FAM107B: variants seen among roughly 807,000 people sequenced by gnomAD.
FAM107B encodes protein FAM107B.
In FAM107B, 21 loss-of-function variants were observed where a neutral mutation model predicts 31.5. The ratio of observed to expected loss-of-function variants is 0.67; its 90% CI spans 0.47 to 0.96. FAM107B has a LOEUF of 0.96. Ranked by LOEUF, FAM107B falls within the 40% of genes least tolerant of loss-of-function variation. The probability of loss-of-function intolerance (pLI) is 0.00; values close to 1 mark genes in which losing one functional copy is unlikely to be tolerated. For missense variants in FAM107B, 452 were observed against 377.1 expected (o/e 1.20, Z -1.64); for synonymous variants, 157 against 141.5 (o/e 1.11, Z -0.78).
intron 1 of FAM107B, among the ~76,000 whole-genome samples, chr10:14,741,456 G>A (rs1318824984): frequency 4.6e-5 from 7 of 152,240 alleles, no homozygotes; most frequent in South Asian, 2.1e-4. Context: ...ACCAGCCTAC[G>A]AAGAAGTCTT....
intron 2 of FAM107B, among the ~76,000 whole-genome samples, chr10:14,562,044 C>G (rs80349372): frequency 1.3e-5 from 2 of 152,080 alleles, no homozygotes; most frequent in African/African-American, 4.8e-5. Context: ...CCTTGGCCTC[C>G]CAAAGTGGTA....
rs546674661 is a variant in FAM107B, at chr10:14,536,345, G to A, written c.470-5830C>T. Among the ~76,000 whole-genome samples, 6 of 152,328 alleles carry A rather than the reference G, an allele frequency of 3.9e-5. No individual in the cohort carries two copies. The South Asian group carries it at 1.2e-3, about 32-fold the overall frequency. ...TTTGAACTGCTAAAACGTCTGGAAAGTTAAAAGTAATTCCAAGATACTTTT... is the reference window on the plus strand; with the variant it reads ...TTTGAACTGCTAAAACGTCTGGAAAATTAAAAGTAATTCCAAGATACTTTT... On this transcript the variant is annotated intron_variant, in intron 2 of 4. Transcript: ENST00000181796.
At chr10:14,639,381 C>A (rs946251430) in intron 2 of FAM107B, among the ~76,000 whole-genome samples, 1 of 152,204 alleles carries the variant, frequency 6.6e-6, no homozygotes, top group Admixed American at 6.5e-5. Context: ...TGGGTACAGT[C>A]CTTTCTGTAC....
At chr10:14,733,077 T>C (rs1029922749) in intron 1 of FAM107B, among the ~76,000 whole-genome samples, 11 of 148,048 alleles carry the variant, frequency 7.4e-5, no homozygotes, top group Non-Finnish European at 1.6e-4. Flanking sequence ...AGATACAATG[T>C]AGTCTATAGA....
chr10:14,617,552 G>A (rs1304457056), intron 2 of FAM107B, among the ~76,000 whole-genome samples: 3 of 152,076 alleles, frequency 2.0e-5, no homozygotes, highest in African/African-American at 7.2e-5. Context: ...ACAATTGATG[G>A]CTGCTTAGAA....
At chr10:14,694,259 G>A (rs112593872) in intron 1 of FAM107B, among the ~76,000 whole-genome samples, 5 of 152,312 alleles carry the variant, frequency 3.3e-5, no homozygotes, top group African/African-American at 1.2e-4. Flanking sequence ...AGGGCATATG[G>A]TAGTTCTATT....
intron 2 of FAM107B, among the ~76,000 whole-genome samples, chr10:14,585,493 G>A (rs921658070): frequency 3.3e-5 from 5 of 152,178 alleles, no homozygotes; most frequent in African/African-American, 9.7e-5. Flanking sequence ...GGGGCGCCAG[G>A]AAAAGCAAGT....
intron 1 of FAM107B, among the ~76,000 whole-genome samples, chr10:14,733,152 CCAAATACATTTT>C (rs1453900446): frequency 6.7e-6 from 1 of 150,360 alleles, no homozygotes; most frequent in Non-Finnish European, 1.5e-5. Flanking sequence ...TATTCAGAAA[CCAAATACATTTT>C]CAAATTGCAT....
At chr10:14,527,964 G>C in intron 3 of FAM107B, 1 of 301,134 alleles carries the variant, frequency 3.3e-6, no homozygotes, top group Non-Finnish European at 6.4e-6. Flanking sequence ...GATAAGATGA[G>C]ATATATTTTC....
At chr10:14,660,622 T>C (rs1382302632) in intron 2 of FAM107B, among the ~76,000 whole-genome samples, 3 of 152,088 alleles carry the variant, frequency 2.0e-5, no homozygotes, top group Admixed American at 1.3e-4. Flanking sequence ...ACCTGAGTCT[T>C]TGTGCTAAAA....
At chr10:14,662,386 T>TTG (rs1354935718) in intron 2 of FAM107B, among the ~76,000 whole-genome samples, 1 of 151,084 alleles carries the variant, frequency 6.6e-6, no homozygotes, top group African/African-American at 2.4e-5. Flanking sequence ...GTCTTTTTTT[T>TTG]TTTTTTTGGA....
chr10:14,545,997 TCAAA>T (rs1848659143), intron 2 of FAM107B, among the ~76,000 whole-genome samples: 1 of 152,248 alleles, frequency 6.6e-6, no homozygotes, highest in African/African-American at 2.4e-5. Flanking sequence ...TTCAAAGCCC[TCAAA>T]CATTCCTGTC....
At chr10:14,715,476 T>G (rs116337015) in intron 1 of FAM107B, among the ~76,000 whole-genome samples, 1,785 of 152,308 alleles carry the variant, frequency 0.012, 25 homozygotes, top group African/African-American at 0.041. Context: ...CAAAACGCAG[T>G]GGCTGTGATG....
intron 2 of FAM107B, among the ~76,000 whole-genome samples, chr10:14,593,161 T>C (rs1178063814): frequency 6.6e-6 from 1 of 152,156 alleles, no homozygotes; most frequent in Non-Finnish European, 1.5e-5. Context: ...TATTAATTCT[T>C]AATTTTTATT....
At chr10:14,580,956 C>T (rs1160559652) in intron 2 of FAM107B, among the ~76,000 whole-genome samples, 1 of 152,176 alleles carries the variant, frequency 6.6e-6, no homozygotes, top group African/African-American at 2.4e-5. Flanking sequence ...TTGGTAAGTT[C>T]AATAAGCAAT....
chr10:14,711,417 C>T (rs1409903275), intron 1 of FAM107B, among the ~76,000 whole-genome samples: 1 of 152,110 alleles, frequency 6.6e-6, no homozygotes, highest in East Asian at 1.9e-4. Context: ...TTTTACTGTA[C>T]CTTTTCTTAC....
intron 2 of FAM107B, among the ~76,000 whole-genome samples, chr10:14,621,835 AAAAG>A (rs2131403525): frequency 6.6e-6 from 1 of 152,332 alleles, no homozygotes; most frequent in African/African-American, 2.4e-5. Flanking sequence ...TTGGAGAGCA[AAAAG>A]AAAGGGAAGG....
intron 2 of FAM107B, among the ~76,000 whole-genome samples, chr10:14,585,064 C>T (rs1200189460): frequency 6.6e-6 from 1 of 152,174 alleles, no homozygotes; most frequent in Admixed American, 6.5e-5. Flanking sequence ...ACAAGGTGTA[C>T]ACCAAGTAAC....
At chr10:14,663,971 C>T (rs1208394613) in intron 2 of FAM107B, among the ~76,000 whole-genome samples, 1 of 144,810 alleles carries the variant, frequency 6.9e-6, no homozygotes, top group African/African-American at 2.5e-5. Context: ...TTGGGTTTTG[C>T]TTTATAAACA....
Sources: gnomAD v4.1 joint callset for allele counts (sites outside exome capture counted in the v4.1 genomes callset) on GRCh38, gnomAD v4.1.1 for gene constraint, MANE v1.5 for transcripts, NCBI Gene and HGNC (gene_info 2026-07-23, HGNC 2026-07-21) for gene names.